The following MAP3K20 variants were observed in gnomAD, a reference collection of about 807,000 sequenced individuals.
MAP3K20 encodes the protein HCCS-4.
Under a neutral mutation model 85.7 loss-of-function variants are expected in MAP3K20, and 40 were observed. That is an observed-to-expected ratio of 0.47 (90% CI 0.36 to 0.61). MAP3K20 has a LOEUF of 0.61. MAP3K20 is among the 20% of genes least tolerant of loss of function. The probability of loss-of-function intolerance (pLI) is 0.00; values close to 1 mark genes in which losing one functional copy is unlikely to be tolerated. For missense variants in MAP3K20, 817 were observed against 961.7 expected, an observed-to-expected ratio of 0.85 and a Z score of 1.99; for synonymous variants, 325 against 327.7, an observed-to-expected ratio of 0.99 and a Z score of 0.09.
At chr2:173,113,957 T>C (rs1688047456) in intron 2 of MAP3K20, among the ~76,000 whole-genome samples, 3 of 152,186 alleles carry the variant, frequency 2.0e-5, no homozygotes, top group African/African-American at 7.2e-5. Context: ...CTTTCTGTCT[T>C]GATGACCTGT....
intron 1 of MAP3K20, among the ~76,000 whole-genome samples, chr2:173,076,967 T>G (rs1686881100): frequency 6.6e-6 from 1 of 152,208 alleles, no homozygotes; most frequent in Admixed American, 6.5e-5. Flanking sequence ...GCTGAAAATG[T>G]TATGTTTCTG....
intron 18 of MAP3K20, among the ~76,000 whole-genome samples, chr2:173,262,614 AAAG>A: frequency 6.6e-6 from 1 of 152,108 alleles, no homozygotes; most frequent in South Asian, 2.1e-4. Context: ...AGAAAAAAAA[AAAG>A]AAAAGCAAAG....
intron 16 of MAP3K20, among the ~76,000 whole-genome samples, chr2:173,256,942 A>G (rs1685175884): frequency 6.6e-6 from 1 of 152,308 alleles, no homozygotes; most frequent in Admixed American, 6.5e-5. Context: ...ACTTGAGCCC[A>G]GGAATTTGAG....
Position 173,247,905 on chromosome 2 carries a change from G to A in MAP3K20, c.1359+8409G>A, listed in dbSNP as rs143834348. On this transcript the variant is annotated intron_variant, in intron 16 of 19. Coordinates refer to ENST00000375213, the MANE Select transcript of MAP3K20 (RefSeq NM_016653.3). ...TACTGGGGCCTATGCTCAAGTCCAAGGGAGACAGCATGGGAGCAAGAGTTC... is the reference window on the plus strand; with the variant it reads ...TACTGGGGCCTATGCTCAAGTCCAAAGGAGACAGCATGGGAGCAAGAGTTC... 9.9e-4 allele frequency among the ~76,000 whole-genome samples: 150 copies of A among 152,282 alleles called. 1 individual carries two copies. Among genetic ancestry groups the A allele is most frequent in the Non-Finnish European group, 1.8e-3 (122 of 68,030 alleles).
intron 8 of MAP3K20, among the ~76,000 whole-genome samples, chr2:173,199,485 A>G (rs1690963698): frequency 6.6e-6 from 1 of 152,232 alleles, no homozygotes; most frequent in South Asian, 2.1e-4. Flanking sequence ...TTGTCGTCAT[A>G]TGAGGAAACA....
At chr2:173,134,448 G>T (rs1416211504) in intron 2 of MAP3K20, among the ~76,000 whole-genome samples, 32 of 5,118 alleles carry the variant, frequency 6.3e-3, no homozygotes, top group East Asian at 0.021. Context: ...TTTTTTTTTT[G>T]CAGAGACGGG....
chr2:173,140,825 T>TAC lies in MAP3K20; in HGVS notation c.160-28979_160-28978insCA, dbSNP rs1389848165. 4.3e-5 allele frequency among the ~76,000 whole-genome samples: 6 copies of TAC among 138,274 alleles called. No individual in the cohort carries two copies. The Admixed American group carries it at 4.4e-4, about 10-fold the overall frequency. The allele number at this position is 138,274 out of a possible 152,430, so 90.7% of individuals were successfully genotyped here. The stretch of plus-strand genomic sequence containing the variant: ...TGACAAAATTATGCGGAACTAAACA[T>TAC]ATACACACACACACACGAGTGCATA... On this transcript the variant is annotated intron_variant, in intron 2 of 19. Coordinates refer to ENST00000375213, the MANE Select transcript of MAP3K20 (RefSeq NM_016653.3).
At chr2:173,240,837 G>A (rs1388449115) in intron 16 of MAP3K20, among the ~76,000 whole-genome samples, 3 of 152,262 alleles carry the variant, frequency 2.0e-5, no homozygotes, top group South Asian at 4.1e-4. Flanking sequence ...GCAGCACTGC[G>A]CACAAAATCC....
In MAP3K20 at chr2:173,175,979, A is replaced by G. The variant is rs544686618; in HGVS notation, c.247+6087A>G. On this transcript the variant is annotated intron_variant, in intron 3 of 19. Coordinates refer to ENST00000375213, the MANE Select transcript of MAP3K20 (RefSeq NM_016653.3). ...TTAGTTAATATTTTAAAGAAATATG[A>G]AGCCACAGCAAAAACCAGTATTATT... Among the ~76,000 whole-genome samples, 5 of 152,334 alleles carry G rather than the reference A, an allele frequency of 3.3e-5. No individual in the cohort carries two copies. The South Asian group carries it at 1.0e-3, about 32-fold the overall frequency.
intron 2 of MAP3K20, among the ~76,000 whole-genome samples, chr2:173,159,676 C>T (rs1689591993): frequency 6.6e-6 from 1 of 152,192 alleles, no homozygotes; most frequent in African/African-American, 2.4e-5. Context: ...AGAGGTGAGC[C>T]ACCACACCTG....
intron 2 of MAP3K20, among the ~76,000 whole-genome samples, chr2:173,103,441 A>G (rs77197689): frequency 0.02 from 3,071 of 152,306 alleles, 54 homozygotes; most frequent in Admixed American, 0.041. Flanking sequence ...TTAATATTAA[A>G]TGGACTTGGG....
At chr2:173,218,939 T>G (rs79338045) in intron 11 of MAP3K20, among the ~76,000 whole-genome samples, 5,193 of 152,302 alleles carry the variant, frequency 0.034, 120 homozygotes, top group Admixed American at 0.054. Flanking sequence ...AAGGAACTGC[T>G]CTGAGGGCTA....
intron 11 of MAP3K20, chr2:173,226,444 C>T: frequency 1.0e-6 from 1 of 985,536 alleles, no homozygotes; most frequent in Non-Finnish European, 1.2e-6. Context: ...CCTTTTGCTG[C>T]TTTTGAGTAA....
chr2:173,253,348 C>T (rs1273779821), intron 16 of MAP3K20, among the ~76,000 whole-genome samples: 1 of 152,148 alleles, frequency 6.6e-6, no homozygotes, highest in African/African-American at 2.4e-5. Flanking sequence ...CACATGACAC[C>T]ACAATCCACT....
intron 2 of MAP3K20, among the ~76,000 whole-genome samples, chr2:173,109,276 G>GT (rs1687873889): frequency 6.6e-6 from 1 of 152,104 alleles, no homozygotes; most frequent in Non-Finnish European, 1.5e-5. Context: ...TTAGTATTCT[G>GT]TAAGAATACA....
At chr2:173,112,105 G>A (rs1687992662) in intron 2 of MAP3K20, among the ~76,000 whole-genome samples, 1 of 152,084 alleles carries the variant, frequency 6.6e-6, no homozygotes, top group Non-Finnish European at 1.5e-5. Flanking sequence ...GTGATTTGTA[G>A]TTTTCCTTAT....
rs564461303 is a variant in MAP3K20, at chr2:173,078,231, G to A, written c.-35+2229G>A. ...GTTTTTGTTTAAACTGGAAAAAGAT[G>A]TTTGTGGGGATATAATACTTCTTGG... On this transcript the variant is annotated intron_variant, in intron 1 of 19. Transcript: ENST00000375213. Among the ~76,000 whole-genome samples, 5 of 152,290 alleles carry A rather than the reference G, an allele frequency of 3.3e-5. No individual in the cohort carries two copies. The South Asian group carries it at 1.0e-3, about 32-fold the overall frequency.
chr2:173,214,692 G>A (rs1684016579), intron 10 of MAP3K20, among the ~76,000 whole-genome samples: 1 of 152,074 alleles, frequency 6.6e-6, no homozygotes. Context: ...GCCTGTTTTT[G>A]GCATATGGAA....
At chr2:173,075,672 T>C, upstream of MAP3K20, 1 of 948,506 alleles carries the variant, frequency 1.1e-6, no homozygotes, top group African/African-American at 1.8e-5. Context: ...GCAAGGCAGG[T>C]GTGTCTGGGG....
Sources: allele counts gnomAD v4.1 joint callset (sites outside exome capture counted in the v4.1 genomes callset), GRCh38; gene constraint gnomAD v4.1.1; transcripts MANE v1.5; gene names NCBI Gene and HGNC (gene_info 2026-07-23, HGNC 2026-07-21).